INVS: variants seen among roughly 807,000 people sequenced by gnomAD.
The protein encoded by INVS is inversion of embryo turning homolog.
A neutral mutation model predicts 108.8 loss-of-function variants in INVS; 86 were observed. The observed-to-expected ratio is 0.79, with a 90% confidence interval of 0.66 to 0.95. INVS has a LOEUF of 0.95. Among genes scored for constraint, INVS ranks in the 40% least tolerant of loss-of-function variants. The probability of loss-of-function intolerance (pLI) is 0.00; values close to 1 mark genes in which losing one functional copy is unlikely to be tolerated. For missense variants in INVS, 1,169 were observed against 1,297.4 expected, an observed-to-expected ratio of 0.90 and a Z score of 1.52; for synonymous variants, 455 against 473.5, an observed-to-expected ratio of 0.96 and a Z score of 0.51.
At chr9:100,121,562 G>A (rs1360886299) in intron 2 of INVS, among the ~76,000 whole-genome samples, 2 of 152,170 alleles carry the variant, frequency 1.3e-5, no homozygotes, top group African/African-American at 2.4e-5. Flanking sequence ...TTGTAGTGAT[G>A]TCATTCTTGA....
intron 1 of INVS, among the ~76,000 whole-genome samples, chr9:100,099,638 T>C (rs943700056): frequency 6.6e-6 from 1 of 152,198 alleles, no homozygotes; most frequent in Non-Finnish European, 1.5e-5. Flanking sequence ...TATCCCTGAT[T>C]GTCTCTGAGG....
chr9:100,299,286 C>T (rs369913067), intron 16 of INVS, among the ~76,000 whole-genome samples: 1 of 152,154 alleles, frequency 6.6e-6, no homozygotes, highest in South Asian at 2.1e-4. Flanking sequence ...GGCTCAAGCC[C>T]ACCCACATTA....
chr9:100,244,692 C>G (rs866545654), intron 7 of INVS, among the ~76,000 whole-genome samples: 1 of 152,152 alleles, frequency 6.6e-6, no homozygotes, highest in African/African-American at 2.4e-5. Flanking sequence ...TCCTTGTCCT[C>G]TATTAACTGA....
rs139095756 is a variant in INVS at position 100,290,632 on chromosome 9, G to A, written c.2069-1694G>A. Among the ~76,000 whole-genome samples, 107 of 152,256 alleles carry A rather than the reference G, an allele frequency of 7.0e-4. No individual in the cohort carries two copies. In the East Asian group the frequency reaches 7.9e-3, roughly 11 times the overall value. On this transcript the variant is annotated intron_variant, in intron 13 of 16. Transcript: ENST00000262457. Reference sequence around the variant, plus strand: ...CTCCCAAAGTGCTGGGATTACAGGCGTGAGCCATCACACCCAGCCCATCCC... The same window carrying A: ...CTCCCAAAGTGCTGGGATTACAGGCATGAGCCATCACACCCAGCCCATCCC...
intron 3 of INVS, among the ~76,000 whole-genome samples, chr9:100,216,320 C>CTGG (rs1830986531): frequency 6.6e-6 from 1 of 151,978 alleles, no homozygotes; most frequent in Admixed American, 6.5e-5. Context: ...ATTGGGCTAA[C>CTGG]TGGTCATTAC....
chr9:100,285,540 T>C (rs1833414082), intron 13 of INVS, among the ~76,000 whole-genome samples: 2 of 152,178 alleles, frequency 1.3e-5, no homozygotes, highest in African/African-American at 4.8e-5. Context: ...ATAGTTGTAC[T>C]CCCAGTTAGG....
At chr9:100,226,024 G>A in intron 3 of INVS, 38 bp from the exon 4 acceptor site, 1 of 1,511,638 alleles carries the variant, frequency 6.6e-7, no homozygotes, top group Admixed American at 1.8e-5. Context: ...TGACCCCATA[G>A]TACATTTTTT....
chr9:100,288,111 A>G (rs1833501128), intron 13 of INVS, among the ~76,000 whole-genome samples: 1 of 152,228 alleles, frequency 6.6e-6, no homozygotes, highest in South Asian at 2.1e-4. Context: ...CCAGCTGGTC[A>G]CATTTTACCA....
At chr9:100,113,390 G>C (rs1259063362) in intron 2 of INVS, among the ~76,000 whole-genome samples, 1 of 152,220 alleles carries the variant, frequency 6.6e-6, no homozygotes, top group African/African-American at 2.4e-5. Context: ...CAAATTTCCA[G>C]AGCAATGACC....
At chr9:100,194,590 T>C (rs983223845) in intron 3 of INVS, among the ~76,000 whole-genome samples, 2 of 152,120 alleles carry the variant, frequency 1.3e-5, no homozygotes, top group African/African-American at 4.8e-5. Flanking sequence ...TTTAACTGGC[T>C]AACACCTCCA....
intron 8 of INVS, among the ~76,000 whole-genome samples, chr9:100,248,108 G>A (rs901949585): frequency 2.6e-5 from 4 of 152,074 alleles, no homozygotes; most frequent in South Asian, 2.1e-4. Context: ...GTGAGCCACC[G>A]TGCCCGGCCA....
At chr9:100,201,657 C>T (rs1343445285) in intron 3 of INVS, among the ~76,000 whole-genome samples, 1 of 152,162 alleles carries the variant, frequency 6.6e-6, no homozygotes, top group Non-Finnish European at 1.5e-5. Flanking sequence ...AATATTTCAT[C>T]CCACAACAAG....
chr9:100,225,256 G>A (rs768148680), intron 3 of INVS, among the ~76,000 whole-genome samples: 21 of 150,530 alleles, frequency 1.4e-4, no homozygotes, highest in Non-Finnish European at 2.1e-4. Flanking sequence ...CACCGTGCTG[G>A]CCAGGATGGT....
At chr9:100,294,627 G>A (rs530916597) in intron 14 of INVS, among the ~76,000 whole-genome samples, 5 of 152,290 alleles carry the variant, frequency 3.3e-5, no homozygotes, top group South Asian at 2.1e-4. Flanking sequence ...ACCTCTGGCT[G>A]ACTCAAATCC....
At chr9:100,194,105 T>C (rs763278231) in intron 3 of INVS, among the ~76,000 whole-genome samples, 5 of 152,236 alleles carry the variant, frequency 3.3e-5, no homozygotes, top group South Asian at 2.1e-4. Flanking sequence ...GGCTGGGTCA[T>C]ATAGCAGGTG....
At chr9:100,112,683 CAA>C (rs548691703) in intron 2 of INVS, among the ~76,000 whole-genome samples, 1 of 143,640 alleles carries the variant, frequency 7.0e-6, no homozygotes, top group Non-Finnish European at 1.5e-5. Context: ...AAAAAAATCG[CAA>C]AAAAAAAAAT....
At chr9:100,223,070 A>G (rs966364234) in intron 3 of INVS, among the ~76,000 whole-genome samples, 3 of 151,598 alleles carry the variant, frequency 2.0e-5, no homozygotes, top group African/African-American at 4.8e-5. Context: ...GTAAATAAGA[A>G]TTTTTATCAT....
chr9:100,297,857 C>T, intron 15 of INVS, 79 bp from the exon 16 acceptor site: 4 of 1,422,460 alleles, frequency 2.8e-6, no homozygotes, highest in Non-Finnish European at 4.0e-6. Flanking sequence ...AAGCCTTTAC[C>T]ACAATAAGGA....
chr9:100,118,779 G>A (rs1377367248), intron 2 of INVS, among the ~76,000 whole-genome samples: 1 of 151,854 alleles, frequency 6.6e-6, no homozygotes, highest in Non-Finnish European at 1.5e-5. Flanking sequence ...TCCTGCCTCA[G>A]TCTCCTGAGT....
Sources: gnomAD v4.1 joint callset for allele counts (sites outside exome capture counted in the v4.1 genomes callset) on GRCh38, gnomAD v4.1.1 for gene constraint, MANE v1.5 for transcripts, NCBI Gene and HGNC (gene_info 2026-07-23, HGNC 2026-07-21) for gene names.